The following CNBD1 variants were observed in gnomAD, a reference collection of about 807,000 sequenced individuals.
CNBD1 encodes the protein cyclic nucleotide-binding domain-containing protein 1.
A neutral mutation model predicts 54.4 loss-of-function variants in CNBD1; 71 were observed. The observed-to-expected ratio is 1.30, with a 90% CI of 1.08 to 1.59. CNBD1 has a LOEUF of 1.59. Among genes scored for constraint, CNBD1 ranks in the 40% most tolerant of loss-of-function variants. The pLI is 0.00. For synonymous variants in CNBD1, 182 were observed against 170.7 expected, an observed-to-expected ratio of 1.07 and a Z score of -0.51; for missense variants, 659 against 518.0, an observed-to-expected ratio of 1.27 and a Z score of -2.64.
chr8:86,870,189 C>CTTTT lies in CNBD1; in HGVS notation c.88+3618_88+3621dup, dbSNP rs71275890. Among the ~76,000 whole-genome samples the CTTTT allele has an allele frequency of 1.4e-3, 145 of 100,600 alleles. 11 individuals are homozygous for CTTTT. In the Middle Eastern group the frequency reaches 0.021, roughly 15 times the overall value. The allele number at this position is 100,600 out of a possible 152,430, so 66.0% of individuals were successfully genotyped here. The stretch of plus-strand genomic sequence containing the variant: ...AGAAATTTAGAAACAAGATAGTACT[C>CTTTT]TTTTTTTTTTTTTTTCTGAGACGGA... On this transcript the variant is annotated intron_variant, in intron 1 of 10. Coordinates refer to ENST00000518476, the MANE Select transcript of CNBD1 (RefSeq NM_173538.3).
chr8:87,193,662 G>A (rs1032891911), intron 4 of CNBD1, among the ~76,000 whole-genome samples: 1 of 152,118 alleles, frequency 6.6e-6, no homozygotes, highest in Non-Finnish European at 1.5e-5. Flanking sequence ...TTGTAATCAA[G>A]ATATTCCTGT....
chr8:87,427,727 A>G (rs1356478609), intron 2 of CNBD1, among the ~76,000 whole-genome samples: 1 of 152,104 alleles, frequency 6.6e-6, no homozygotes, highest in South Asian at 2.1e-4. Flanking sequence ...GAATAAACAA[A>G]CTCTTCATTA....
chr8:87,249,563 T>C (rs7833568), intron 6 of CNBD1, among the ~76,000 whole-genome samples: 108,137 of 151,992 alleles, frequency 0.71, 39,073 homozygotes, highest in African/African-American at 0.79. Flanking sequence ...TATAGGTCTA[T>C]CTTTCAACCG....
chr8:86,991,952 T>G (rs1361247455), intron 4 of CNBD1, among the ~76,000 whole-genome samples: 1 of 152,170 alleles, frequency 6.6e-6, no homozygotes, highest in Non-Finnish European at 1.5e-5. Flanking sequence ...TCTTAGAATG[T>G]GTTCTGTGTG....
At chr8:87,311,475 A>C (rs928541723) in intron 8 of CNBD1, among the ~76,000 whole-genome samples, 1 of 152,160 alleles carries the variant, frequency 6.6e-6, no homozygotes, top group African/African-American at 2.4e-5. Context: ...TGCAGAGAAA[A>C]GGAAATGCCT....
At chr8:86,997,086 C>A (rs1206423011) in intron 4 of CNBD1, among the ~76,000 whole-genome samples, 3 of 152,162 alleles carry the variant, frequency 2.0e-5, no homozygotes, top group East Asian at 1.9e-4. Flanking sequence ...GAGGGGATCA[C>A]AAACATTCAG....
chr8:87,147,417 A>C (rs889283345), intron 4 of CNBD1, among the ~76,000 whole-genome samples: 2 of 151,930 alleles, frequency 1.3e-5, no homozygotes, highest in African/African-American at 4.8e-5. Flanking sequence ...TGCTGTTTTG[A>C]ATTAATACTT....
At chr8:87,423,567 C>A (rs1807984846) in intron 2 of CNBD1, among the ~76,000 whole-genome samples, 1 of 149,874 alleles carries the variant, frequency 6.7e-6, no homozygotes, top group Non-Finnish European at 1.5e-5. Context: ...TGTTTATATG[C>A]TGGATTACAT....
At chr8:86,992,050 G>A (rs1232725069) in intron 4 of CNBD1, among the ~76,000 whole-genome samples, 1 of 152,084 alleles carries the variant, frequency 6.6e-6, no homozygotes, top group African/African-American at 2.4e-5. Context: ...TAAATTTTGA[G>A]TCTAGATGTT....
chr8:87,223,113 A>C (rs13273720), intron 5 of CNBD1, among the ~76,000 whole-genome samples: 57,417 of 148,934 alleles, frequency 0.39, 12,757 homozygotes, highest in Non-Finnish European at 0.5. Context: ...TTACATAAAA[A>C]CCCCTGTGAC....
intron 4 of CNBD1, among the ~76,000 whole-genome samples, chr8:86,968,953 G>A (rs1808156410): frequency 6.6e-6 from 1 of 152,110 alleles, no homozygotes; most frequent in Non-Finnish European, 1.5e-5. Context: ...CTGTTTGAGG[G>A]TAGAGATCTT....
intron 4 of CNBD1, among the ~76,000 whole-genome samples, chr8:87,048,702 A>G (rs1047514592): frequency 1.3e-5 from 2 of 152,180 alleles, no homozygotes; most frequent in Non-Finnish European, 2.9e-5. Flanking sequence ...CAAGATGTCT[A>G]TCTATACTAA....
At chr8:87,258,054 A>T (rs1347766577) in intron 6 of CNBD1, among the ~76,000 whole-genome samples, 1 of 152,136 alleles carries the variant, frequency 6.6e-6, no homozygotes, top group Non-Finnish European at 1.5e-5. Flanking sequence ...TTATGTTGAC[A>T]ATGCTTCCCA....
intron 10 of CNBD1, among the ~76,000 whole-genome samples, chr8:87,362,935 G>A (rs60287573): frequency 0.18 from 27,967 of 151,690 alleles, 3,953 homozygotes; most frequent in African/African-American, 0.4. Flanking sequence ...GACACATGCC[G>A]TGGTGGTTTG....
chr8:87,198,132 A>G (rs1009788602), intron 4 of CNBD1, among the ~76,000 whole-genome samples: 1 of 152,250 alleles, frequency 6.6e-6, no homozygotes, highest in Non-Finnish European at 1.5e-5. Context: ...AGCAGAGCCT[A>G]GGTAAGAAAA....
intron 4 of CNBD1, among the ~76,000 whole-genome samples, chr8:87,040,914 T>C (rs1031969095): frequency 1.3e-5 from 2 of 151,982 alleles, no homozygotes; most frequent in African/African-American, 2.4e-5. Context: ...TATTAATTTA[T>C]ATGTTGTATG....
intron 4 of CNBD1, among the ~76,000 whole-genome samples, chr8:87,119,697 A>T (rs2130714135): frequency 6.6e-6 from 1 of 152,136 alleles, no homozygotes; most frequent in African/African-American, 2.4e-5. Flanking sequence ...TTTCCATTAA[A>T]TATGATGTTA....
chr8:86,989,597 C>T (rs2130524915), intron 4 of CNBD1, among the ~76,000 whole-genome samples: 1 of 152,186 alleles, frequency 6.6e-6, no homozygotes, highest in Non-Finnish European at 1.5e-5. Context: ...ATTACAGGCA[C>T]ATGCCACCAT....
chr8:87,302,366 A>G (rs1365158667), intron 8 of CNBD1, among the ~76,000 whole-genome samples: 2 of 152,182 alleles, frequency 1.3e-5, no homozygotes, highest in Non-Finnish European at 2.9e-5. Flanking sequence ...TCCAGCATAG[A>G]AACAGAACCA....
Sources: gnomAD v4.1 joint callset for allele counts (sites outside exome capture counted in the v4.1 genomes callset) on GRCh38, gnomAD v4.1.1 for gene constraint, MANE v1.5 for transcripts, NCBI Gene and HGNC (gene_info 2026-07-23, HGNC 2026-07-21) for gene names.